Variants in TBC1D4 observed in about 807,000 individuals in gnomAD.
The protein encoded by TBC1D4 is TBC1 domain family member 4.
Under a neutral mutation model 142.5 loss-of-function variants are expected in TBC1D4, and 121 were observed. That is an observed-to-expected ratio of 0.85 (90% CI 0.73 to 0.99). The LOEUF (loss-of-function observed/expected upper bound fraction) is 0.99, where lower values mean the gene tolerates loss of function less well. Ranked by LOEUF, TBC1D4 falls within the 50% of genes least tolerant of loss-of-function variation. The pLI is 0.00. For synonymous variants in TBC1D4, 630 were observed against 628.2 expected (o/e 1.00, Z -0.04); for missense variants, 1,475 against 1,606.6 (o/e 0.92, Z 1.40).
At chr13:75,356,013 G>GAGGA in intron 4 of TBC1D4, 134 bp downstream of exon 4, 1 of 724,454 alleles carries the variant, frequency 1.4e-6, no homozygotes, top group Non-Finnish European at 2.5e-6. Flanking sequence ...CTTTGAAGGG[G>GAGGA]AGGAACATAT....
intron 1 of TBC1D4, among the ~76,000 whole-genome samples, chr13:75,403,346 T>C (rs1885190610): frequency 1.3e-5 from 2 of 152,236 alleles, no homozygotes; most frequent in Non-Finnish European, 2.9e-5. Context: ...AACAACTAGT[T>C]TTTCATTATT....
chr13:75,392,916 A>T (rs1404587054), intron 1 of TBC1D4, among the ~76,000 whole-genome samples: 1 of 152,134 alleles, frequency 6.6e-6, no homozygotes, highest in Non-Finnish European at 1.5e-5. Flanking sequence ...CTGGAATTAC[A>T]GGAGTGAGCC....
chr13:75,329,224 A>C (rs1167444921), intron 8 of TBC1D4, among the ~76,000 whole-genome samples: 3 of 152,088 alleles, frequency 2.0e-5, no homozygotes, highest in African/African-American at 7.2e-5. Context: ...TATTGTTTGC[A>C]GCTGAGCGAC....
intron 13 of TBC1D4, among the ~76,000 whole-genome samples, 177 bp from the exon 14 acceptor site, chr13:75,310,328 T>C (rs1051583963): frequency 1.3e-5 from 2 of 152,220 alleles, no homozygotes; most frequent in Non-Finnish European, 2.9e-5. Context: ...TGAATTCCCC[T>C]TCCAGATTTC....
chr13:75,393,103 A>C (rs1566454769), intron 1 of TBC1D4, among the ~76,000 whole-genome samples: 3 of 142,852 alleles, frequency 2.1e-5, no homozygotes, highest in Non-Finnish European at 4.5e-5. Context: ...AAATACATAA[A>C]TTTAAATTAA....
chr13:75,299,702 G>C, intron 16 of TBC1D4, 128 bp from the exon 17 acceptor site: 1 of 1,166,454 alleles, frequency 8.6e-7, no homozygotes, highest in Non-Finnish European at 1.2e-6. Context: ...GAGTTGCTTA[G>C]AGTCACCATG....
chr13:75,288,863 C>T (rs1874960498), intron 20 of TBC1D4, 71 bp downstream of exon 20: 1 of 1,514,924 alleles, frequency 6.6e-7, no homozygotes, highest in Non-Finnish European at 9.2e-7. Flanking sequence ...ATATCCCTTT[C>T]ATTCCTGAGG....
At chr13:75,313,393 T>C (rs980916136) in intron 12 of TBC1D4, among the ~76,000 whole-genome samples, 8 of 152,220 alleles carry the variant, frequency 5.3e-5, no homozygotes, top group Non-Finnish European at 8.8e-5. Flanking sequence ...AGTTGAATCA[T>C]GGCAGATGAT....
At chr13:75,452,473 T>TA (rs1180698475) in intron 1 of TBC1D4, among the ~76,000 whole-genome samples, 9 of 152,182 alleles carry the variant, frequency 5.9e-5, no homozygotes, top group South Asian at 4.1e-4. Flanking sequence ...AGACATTAAT[T>TA]AAAAATGTGG....
chr13:75,379,440 G>A (rs1400712970), intron 1 of TBC1D4, among the ~76,000 whole-genome samples: 1 of 152,032 alleles, frequency 6.6e-6, no homozygotes, highest in Non-Finnish European at 1.5e-5. Flanking sequence ...ATGACAGCAG[G>A]AAAATATATA....
At chr13:75,474,928 C>T (rs141314257) in intron 1 of TBC1D4, among the ~76,000 whole-genome samples, 15,983 of 152,174 alleles carry the variant, frequency 0.11, 921 homozygotes, top group Middle Eastern at 0.15. Flanking sequence ...TGAGCCACCA[C>T]GCCCGGCCCA....
intron 1 of TBC1D4, among the ~76,000 whole-genome samples, chr13:75,391,032 CCACACA>C (rs71127539): frequency 0.065 from 8,939 of 136,528 alleles, 297 homozygotes; most frequent in Admixed American, 0.09. Context: ...TATTCCCCCA[CCACACA>C]CACACACACA....
chr13:75,474,832 T>C (rs1175730743), intron 1 of TBC1D4, among the ~76,000 whole-genome samples: 1 of 152,054 alleles, frequency 6.6e-6, no homozygotes, highest in Non-Finnish European at 1.5e-5. Flanking sequence ...AGATGGGGTT[T>C]CACCATGTTG....
rs148802257 is a variant in TBC1D4 at position 75,386,238 on chromosome 13, T to G, written c.499-23631A>C. ...AAATTTGGACCAAAAACCATGACTA[T>G]CATTTAGTAGCTCTGGAAAAGAATG... On this transcript the variant is annotated intron_variant, in intron 1 of 20. Coordinates refer to ENST00000377636, the MANE Select transcript of TBC1D4 (RefSeq NM_014832.5). Among the ~76,000 whole-genome samples, 975 of 152,234 alleles carry G rather than the reference T, an allele frequency of 6.4e-3. 18 individuals carry two copies. Among genetic ancestry groups the G allele is most frequent in the African/African-American group, 0.022 (918 of 41,528 alleles).
chr13:75,339,684 T>C (rs1880519306), intron 7 of TBC1D4, among the ~76,000 whole-genome samples: 1 of 152,078 alleles, frequency 6.6e-6, no homozygotes, highest in Non-Finnish European at 1.5e-5. Flanking sequence ...CACGTGCTTC[T>C]CCTGCCTCAG....
intron 1 of TBC1D4, among the ~76,000 whole-genome samples, chr13:75,395,601 C>A (rs931984466): frequency 1.3e-5 from 2 of 152,224 alleles, no homozygotes; most frequent in East Asian, 1.9e-4. Context: ...AAGGACGAGG[C>A]AGGTGGATCA....
At position 75,289,080 on chromosome 13, in the gene TBC1D4, G is replaced by T; in HGVS notation, c.3517C>A (p.His1173Asn). The T allele has an allele frequency of 6.2e-7, 1 of 1,613,854 alleles. No individual in the cohort carries two copies. The highest frequency in any genetic ancestry group is 1.3e-5 in the African/African-American group (1 of 75,008). Residue 1173 changes from histidine to asparagine, a missense_variant, in exon 20 of 21, where the codon CAT becomes AAT. Coordinates refer to ENST00000377636, the MANE Select transcript of TBC1D4 (RefSeq NM_014832.5). ...ACATGATATTCCACCTCATAGGCAT[G>T]CAACTGCTTAGAAATATCCATCTCA... ...VFEMDISKQL[H>N]AYEVEYHVLQ...
rs563991523 is a variant in TBC1D4, at chr13:75,414,558, T to A, written c.499-51951A>T. On this transcript the variant is annotated intron_variant, in intron 1 of 20. Transcript: ENST00000377636. ...GAGGAAGAATATGGGGGGATGTTGG[T>A]GTTTGTGTGTGTTTATGTTGGGAGA... Among the ~76,000 whole-genome samples the A allele has an allele frequency of 6.3e-4, 95 of 151,944 alleles. 2 individuals are homozygous for A. Among genetic ancestry groups the A allele is most frequent in the Non-Finnish European group, 6.3e-4 (43 of 67,976 alleles).
intron 12 of TBC1D4, among the ~76,000 whole-genome samples, chr13:75,317,424 T>C (rs1878407366): frequency 6.6e-6 from 1 of 152,240 alleles, no homozygotes. Flanking sequence ...CTCACTTCCT[T>C]TTCTTTGCTT....
Sources: allele counts gnomAD v4.1 joint callset (sites outside exome capture counted in the v4.1 genomes callset), GRCh38; gene constraint gnomAD v4.1.1; transcripts MANE v1.5; gene names NCBI Gene and HGNC (gene_info 2026-07-23, HGNC 2026-07-21).